MAGI1: variants seen among roughly 807,000 people sequenced by gnomAD.
The protein encoded by MAGI1 is membrane associated guanylate kinase, WW and PDZ domain containing 1.
A neutral mutation model predicts 139.9 loss-of-function variants in MAGI1; 58 were observed. The observed-to-expected ratio is 0.41, with a 90% confidence interval of 0.34 to 0.52. MAGI1 has a LOEUF of 0.52. Among genes scored for constraint, MAGI1 ranks in the 20% least tolerant of loss-of-function variants. The pLI is 0.12. For synonymous variants in MAGI1, 812 were observed against 737.9 expected (o/e 1.10, Z -1.63); for missense variants, 1,874 against 1,901.6 (o/e 0.99, Z 0.27).
At chr3:65,981,964 A>G (rs1272458224) in intron 1 of MAGI1, among the ~76,000 whole-genome samples, 2 of 152,184 alleles carry the variant, frequency 1.3e-5, no homozygotes, top group African/African-American at 4.8e-5. Flanking sequence ...GCATGTATGT[A>G]TTTTACATAG....
intron 1 of MAGI1, among the ~76,000 whole-genome samples, chr3:65,878,742 T>G (rs1026232274): frequency 6.6e-6 from 1 of 152,192 alleles, no homozygotes; most frequent in African/African-American, 2.4e-5. Context: ...TTTGCTTCAA[T>G]GCTGTCTGCT....
intron 1 of MAGI1, among the ~76,000 whole-genome samples, chr3:65,859,505 G>T (rs2059477936): frequency 6.6e-6 from 1 of 152,056 alleles, no homozygotes; most frequent in Non-Finnish European, 1.5e-5. Flanking sequence ...GAGGTGGGTG[G>T]ATCACCTGAG....
At chr3:65,828,374 C>G (rs1271094849) in intron 1 of MAGI1, among the ~76,000 whole-genome samples, 2 of 152,184 alleles carry the variant, frequency 1.3e-5, no homozygotes, top group Non-Finnish European at 2.9e-5. Context: ...ACCCCCCAAA[C>G]TCAAACACTT....
At position 65,356,862 on chromosome 3, in the gene MAGI1, T is replaced by C; in HGVS notation, c.3905A>G (p.Glu1302Gly). ...CTCGGCCTGCGCGTCCCTCCGTCCC[T>C]CCGGCGCCCGGTCCTTGGGTCGGCA... Reference protein sequence around the residue: ...GACRPKDRAPEGRRDAQAERA... With the variant: ...GACRPKDRAPGGRRDAQAERA... The change falls in exon 23 of 23, where the codon GAG (glutamate) becomes GGG (glycine). Residue 1302 changes from glutamate (E) to glycine (G), a missense_variant. Physicochemically the swap from Glu to Gly is moderately conservative, Grantham distance 98. This residue lies in a region of MAGI1 where 653 missense variants were observed against 644.5 expected (regional missense o/e 1.01). Transcript: ENST00000402939. 6.2e-7 allele frequency: 1 copy of C among 1,614,086 alleles called. No individual in the cohort carries two copies. The highest frequency in any genetic ancestry group is 8.5e-7 in the Non-Finnish European group (1 of 1,179,942).
intron 2 of MAGI1, among the ~76,000 whole-genome samples, chr3:65,593,261 A>G (rs1383292787): frequency 1.3e-5 from 2 of 152,224 alleles, no homozygotes; most frequent in Admixed American, 1.3e-4. Context: ...AGAAAATTAT[A>G]GCACTTACTG....
chr3:65,687,928 G>C (rs766305485), intron 1 of MAGI1: 1 of 686,198 alleles, frequency 1.5e-6, no homozygotes, highest in Non-Finnish European at 2.8e-6. Context: ...CGGCATGCCC[G>C]CTGGTTCAAG....
At chr3:65,516,658 T>C (rs1286501370) in intron 2 of MAGI1, among the ~76,000 whole-genome samples, 1 of 144,304 alleles carries the variant, frequency 6.9e-6, no homozygotes, top group Non-Finnish European at 1.5e-5. Context: ...ATGAGCAAAA[T>C]ACTAAAATAA....
chr3:65,791,619 G>A (rs530097521), intron 1 of MAGI1, among the ~76,000 whole-genome samples: 1 of 152,236 alleles, frequency 6.6e-6, no homozygotes, highest in South Asian at 2.1e-4. Flanking sequence ...GTGGAGGATG[G>A]TCACAGAAAT....
intron 2 of MAGI1, among the ~76,000 whole-genome samples, chr3:65,553,067 GA>G (rs982955105): frequency 6.7e-6 from 1 of 149,574 alleles, no homozygotes; most frequent in Non-Finnish European, 1.5e-5. Flanking sequence ...AGATGAAAAA[GA>G]AAAAAAGATG....
chr3:65,985,058 A>G (rs1325495007), intron 1 of MAGI1, among the ~76,000 whole-genome samples: 1 of 152,042 alleles, frequency 6.6e-6, no homozygotes, highest in African/African-American at 2.4e-5. Flanking sequence ...ACTGATGTCA[A>G]CCCCAGTGTT....
intron 2 of MAGI1, among the ~76,000 whole-genome samples, chr3:65,554,734 C>G (rs2080006822): frequency 1.3e-5 from 2 of 152,182 alleles, no homozygotes; most frequent in East Asian, 3.9e-4. Flanking sequence ...ACAAAGAACC[C>G]TCAGTCATCA....
chr3:65,727,266 G>A (rs1233782840), intron 1 of MAGI1, among the ~76,000 whole-genome samples: 2 of 152,178 alleles, frequency 1.3e-5, no homozygotes, highest in African/African-American at 4.8e-5. Context: ...TTTTACCAGA[G>A]TTAGGAATTC....
intron 3 of MAGI1, among the ~76,000 whole-genome samples, chr3:65,486,000 C>G (rs576619787): frequency 6.6e-6 from 1 of 152,252 alleles, no homozygotes; most frequent in South Asian, 2.1e-4. Flanking sequence ...AGAGAACATT[C>G]TACGACAGAG....
chr3:65,633,391 G>A (rs529700012), intron 1 of MAGI1, among the ~76,000 whole-genome samples: 11 of 152,278 alleles, frequency 7.2e-5, no homozygotes, highest in Non-Finnish European at 1.3e-4. Context: ...CGTGTGGTGA[G>A]TGTGATGTGA....
At chr3:65,765,294 T>C (rs1384751115) in intron 1 of MAGI1, among the ~76,000 whole-genome samples, 4 of 152,238 alleles carry the variant, frequency 2.6e-5, no homozygotes, top group African/African-American at 7.2e-5. Flanking sequence ...GAAAGGCTAC[T>C]GATCCCATGA....
intron 1 of MAGI1, among the ~76,000 whole-genome samples, chr3:65,931,727 A>G (rs1000718767): frequency 6.6e-6 from 1 of 152,188 alleles, no homozygotes; most frequent in Non-Finnish European, 1.5e-5. Flanking sequence ...ACAGGGTAAA[A>G]AAACAGTTCC....
At chr3:65,570,076 T>C (rs768894869) in intron 2 of MAGI1, among the ~76,000 whole-genome samples, 43 of 6,138 alleles carry the variant, frequency 7.0e-3, no homozygotes, top group Middle Eastern at 0.2. Context: ...TTATTATCAT[T>C]ATTATTATTA....
At chr3:65,449,531 T>G (rs376948705) in intron 6 of MAGI1, among the ~76,000 whole-genome samples, 1 of 152,052 alleles carries the variant, frequency 6.6e-6, no homozygotes, top group Non-Finnish European at 1.5e-5. Context: ...TCCTAGCACT[T>G]TGGGAGGCCA....
At chr3:65,950,067 C>CAAAAAAAAAAAAAAAAAAAAAAAAA (rs61696952) in intron 1 of MAGI1, among the ~76,000 whole-genome samples, 7 of 76,716 alleles carry the variant, frequency 9.1e-5, no homozygotes, top group East Asian at 9.0e-4. Context: ...AACAAAAAAA[C>CAAAAAAAAAAAAAAAAAAAAAAAAA]AAAAAAAAAA....
Sources: allele counts gnomAD v4.1 joint callset (sites outside exome capture counted in the v4.1 genomes callset), GRCh38; gene constraint gnomAD v4.1.1; regional missense constraint gnomAD v4.1.1; transcripts MANE v1.5; gene names NCBI Gene and HGNC (gene_info 2026-07-23, HGNC 2026-07-21).